Variants in EIF2B3 observed in about 807,000 individuals in gnomAD.
EIF2B3 encodes eukaryotic translation initiation factor 2B subunit gamma.
Under a neutral mutation model 54.1 loss-of-function variants are expected in EIF2B3, and 20 were observed. The ratio of observed to expected loss-of-function variants is 0.37; its 90% confidence interval spans 0.26 to 0.54. EIF2B3 has a LOEUF of 0.54. Among genes scored for constraint, EIF2B3 ranks in the 20% least tolerant of loss-of-function variants. The pLI is 0.86. For missense variants in EIF2B3, 448 were observed against 547.8 expected (o/e 0.82, Z 1.82); for synonymous variants, 153 against 188.1 (o/e 0.81, Z 1.52).
intron 10 of EIF2B3, among the ~76,000 whole-genome samples, chr1:44,867,061 AATG>A (rs1416295992): frequency 6.6e-6 from 1 of 152,180 alleles, no homozygotes; most frequent in African/African-American, 2.4e-5. Context: ...CACTCAGGGT[AATG>A]ATGAGAAGTA....
chr1:44,881,841 A>G lies in EIF2B3; in HGVS notation c.657-102T>C. On this transcript the variant is annotated intron_variant, in intron 6 of 11. Transcript: ENST00000360403. The surrounding 1 kb of genome is among the most constrained non-coding windows in gnomAD (Gnocchi z 4.0). ...AGGAAAAGCCAAATCCTTTCCTGTCATGGCACCTTGGGACTGTCAGAGATC... is the reference window on the plus strand; with the variant it reads ...AGGAAAAGCCAAATCCTTTCCTGTCGTGGCACCTTGGGACTGTCAGAGATC... 1.3e-6 allele frequency: 2 copies of G among 1,493,504 alleles called. No individual in the cohort carries two copies. Among genetic ancestry groups the G allele is most frequent in the Non-Finnish European group, 1.8e-6 (2 of 1,087,660 alleles). The allele number at this position is 1,493,504 out of a possible 1,614,324, so 92.5% of individuals were successfully genotyped here.
chr1:44,949,521 C>T (rs1488615917), intron 3 of EIF2B3, among the ~76,000 whole-genome samples: 2 of 152,152 alleles, frequency 1.3e-5, no homozygotes, highest in African/African-American at 2.4e-5. Context: ...AATATTAAAA[C>T]ATCTGATTTT....
intron 5 of EIF2B3, among the ~76,000 whole-genome samples, chr1:44,924,577 G>A (rs1163600181): frequency 1.2e-4 from 18 of 150,424 alleles, no homozygotes; most frequent in African/African-American, 2.9e-4. Flanking sequence ...TAGTAGAGAC[G>A]GGGTTTCACT....
At position 44,866,415 on chromosome 1, in the gene EIF2B3, C is replaced by A. The variant is rs1390042145; in HGVS notation, c.1202+8263G>T. Among the ~76,000 whole-genome samples the A allele has an allele frequency of 2.0e-3, 291 of 147,980 alleles. 2 individuals are homozygous for A. The highest frequency in any genetic ancestry group is 5.9e-3 in the African/African-American group (239 of 40,386). On this transcript the variant is annotated intron_variant, in intron 10 of 11. Coordinates refer to ENST00000360403, the MANE Select transcript of EIF2B3 (RefSeq NM_020365.5). Reference sequence around the variant, plus strand: ...TCTGTCTCAAAAAAAAAAAAACAAACAAAACTATATTGAAGGCATTTATAG... The same window carrying A: ...TCTGTCTCAAAAAAAAAAAAACAAAAAAAACTATATTGAAGGCATTTATAG...
At chr1:44,875,580 G>C (rs1446081188) in intron 9 of EIF2B3, 38 bp downstream of exon 9, 1 of 1,599,336 alleles carries the variant, frequency 6.3e-7, no homozygotes, top group Non-Finnish European at 8.6e-7. Flanking sequence ...TGCTCCCAAA[G>C]AACATCTCAT....
At chr1:44,936,838 C>T (rs1643953412) in intron 4 of EIF2B3, among the ~76,000 whole-genome samples, 1 of 152,196 alleles carries the variant, frequency 6.6e-6, no homozygotes, top group Admixed American at 6.5e-5. Context: ...TATTAAGCAT[C>T]TACTATCTTT....
chr1:44,985,940 G>A (rs1644569662), intron 1 of EIF2B3, among the ~76,000 whole-genome samples: 1 of 152,178 alleles, frequency 6.6e-6, no homozygotes, highest in Non-Finnish European at 1.5e-5. Context: ...CCTGAAGGCA[G>A]AGACCTCACT....
intron 4 of EIF2B3, among the ~76,000 whole-genome samples, chr1:44,939,101 CAAAAAAAAAAAA>C (rs35410499): frequency 1.8e-5 from 1 of 56,302 alleles, no homozygotes; most frequent in Admixed American, 2.1e-4. Flanking sequence ...GACCCTGTCT[CAAAAAAAAAAAA>C]AAAAAAAAAA....
chr1:44,961,250 G>A (rs1164065082), intron 3 of EIF2B3, among the ~76,000 whole-genome samples: 2 of 149,666 alleles, frequency 1.3e-5, no homozygotes, highest in African/African-American at 4.9e-5. Context: ...CCAGGAAGAC[G>A]AGGCTGCAGT....
chr1:44,984,556 T>C (rs1644549409), intron 1 of EIF2B3, among the ~76,000 whole-genome samples: 1 of 152,096 alleles, frequency 6.6e-6, no homozygotes. Flanking sequence ...AAACTCTCAG[T>C]GTCCTCAGCT....
chr1:44,876,291 G>A lies in EIF2B3; in HGVS notation c.976-596C>T, dbSNP rs1294297049. On this transcript the variant is annotated intron_variant, in intron 8 of 11. Transcript: ENST00000360403. ...CTCTTCCCCGCTGCCATCCCATCTAGGAAGTGAGGAGCGTCTCTGCCCGGC... is the reference window on the plus strand; with the variant it reads ...CTCTTCCCCGCTGCCATCCCATCTAAGAAGTGAGGAGCGTCTCTGCCCGGC... Among the ~76,000 whole-genome samples, 7 of 150,436 alleles carry A rather than the reference G, an allele frequency of 4.7e-5. No individual in the cohort carries two copies. The East Asian group carries it at 1.4e-3, about 30-fold the overall frequency.
At chr1:44,885,802 C>T (rs1485999036) in intron 6 of EIF2B3, among the ~76,000 whole-genome samples, 1 of 151,830 alleles carries the variant, frequency 6.6e-6, no homozygotes, top group African/African-American at 2.4e-5. Flanking sequence ...TGGCACGATC[C>T]TGGCTCACTG....
chr1:44,915,339 T>C (rs934642399), intron 5 of EIF2B3, among the ~76,000 whole-genome samples: 2 of 151,858 alleles, frequency 1.3e-5, no homozygotes, highest in South Asian at 2.1e-4. Flanking sequence ...TGAGATAGGG[T>C]CTCGTTCTGT....
At chr1:44,863,112 G>A (rs963169514) in intron 10 of EIF2B3, 5 of 152,322 alleles carry the variant, frequency 3.3e-5, no homozygotes, top group African/African-American at 9.6e-5. Flanking sequence ...GGATGGGGAG[G>A]TTCTTTTCTT....
chr1:44,856,965 T>C (rs1654453006), intron 11 of EIF2B3, among the ~76,000 whole-genome samples: 1 of 152,132 alleles, frequency 6.6e-6, no homozygotes, highest in Admixed American at 6.6e-5. Flanking sequence ...CCACTGTGCC[T>C]GGCTAATTTT....
chr1:44,897,243 T>C (rs1033306761), intron 6 of EIF2B3, 112 bp downstream of exon 6: 1 of 758,696 alleles, frequency 1.3e-6, no homozygotes, highest in Non-Finnish European at 2.3e-6. Flanking sequence ...AACTGTGCTA[T>C]TGTGCTAATT....
At chr1:44,956,488 T>TAA (rs11430877) in intron 3 of EIF2B3, among the ~76,000 whole-genome samples, 30 of 150,618 alleles carry the variant, frequency 2.0e-4, no homozygotes, top group South Asian at 1.0e-3. Context: ...ACTTAAAGTA[T>TAA]AAAAAAAAAT....
intron 6 of EIF2B3, among the ~76,000 whole-genome samples, chr1:44,882,987 C>T (rs1433001835): frequency 8.2e-5 from 11 of 133,710 alleles, no homozygotes; most frequent in African/African-American, 2.9e-4. Context: ...TGGAGTGTAG[C>T]GGTGCGATCT....
At chr1:44,921,240 G>C (rs1643732355) in intron 5 of EIF2B3, among the ~76,000 whole-genome samples, 1 of 152,134 alleles carries the variant, frequency 6.6e-6, no homozygotes, top group Non-Finnish European at 1.5e-5. Context: ...AGTCAGATTA[G>C]GTTTTCTCCT....
Sources: allele counts gnomAD v4.1 joint callset (sites outside exome capture counted in the v4.1 genomes callset), GRCh38; gene constraint gnomAD v4.1.1; non-coding constraint Gnocchi (gnomAD v3.1); transcripts MANE v1.5; gene names NCBI Gene and HGNC (gene_info 2026-07-23, HGNC 2026-07-21).